The following STK32C variants were observed in gnomAD, a reference collection of about 807,000 sequenced individuals.
STK32C encodes the protein serine/threonine kinase 32C, also known as serine/threonine-protein kinase 32C.
Under a neutral mutation model 56.5 loss-of-function variants are expected in STK32C, and 31 were observed. The observed-to-expected ratio is 0.55, with a 90% confidence interval of 0.41 to 0.74. The LOEUF is 0.74. Ranked by LOEUF, STK32C falls within the 30% of genes least tolerant of loss-of-function variation. The pLI is 0.00. For synonymous variants in STK32C, 309 were observed against 289.4 expected, an observed-to-expected ratio of 1.07 and a Z score of -0.69; for missense variants, 544 against 676.9, an observed-to-expected ratio of 0.80 and a Z score of 2.18.
At chr10:132,237,086 A>G (rs574768758) in intron 2 of STK32C, among the ~76,000 whole-genome samples, 1 of 152,304 alleles carries the variant, frequency 6.6e-6, no homozygotes, top group Non-Finnish European at 1.5e-5. Context: ...GTCTCTGGCC[A>G]CAGCCTCCCG....
intron 1 of STK32C, among the ~76,000 whole-genome samples, chr10:132,279,658 A>G (rs79734316): frequency 6.7e-5 from 6 of 89,956 alleles, no homozygotes; most frequent in Non-Finnish European, 1.1e-4. Context: ...CCACTCCTCC[A>G]TGATCAAGCC....
intron 1 of STK32C, among the ~76,000 whole-genome samples, chr10:132,329,059 G>C (rs923483232): frequency 7.9e-5 from 12 of 152,236 alleles, no homozygotes; most frequent in Non-Finnish European, 4.4e-5. Flanking sequence ...CCATCAACTG[G>C]TAAATTCCGC....
Position 132,209,205 on chromosome 10 carries a change from G to A in STK32C, c.1252-104C>T, listed in dbSNP as rs955252750. On this transcript the variant is annotated intron_variant, in intron 10 of 11. Transcript: ENST00000298630. ...CATCCCCATCGGGCCTCCACCTGTG[G>A]CTTTGGATGACGGCCTCTGGGCTAT... The A allele has an allele frequency of 1.6e-5, 17 of 1,092,072 alleles. No homozygotes were observed. The East Asian group carries it at 3.1e-4, about 20-fold the overall frequency. The allele number at this position is 1,092,072 out of a possible 1,614,324, so 67.6% of individuals were successfully genotyped here.
At chr10:132,330,442 C>T in intron 1 of STK32C, 1 of 717,224 alleles carries the variant, frequency 1.4e-6, no homozygotes. Context: ...GGGTGGCTGG[C>T]CTCCCCACGC....
At chr10:132,226,593 C>G (rs1241746320) in intron 4 of STK32C, among the ~76,000 whole-genome samples, 2 of 152,216 alleles carry the variant, frequency 1.3e-5, no homozygotes, top group Non-Finnish European at 2.9e-5. Flanking sequence ...GAGGTCCCCC[C>G]AGATGGACAC....
chr10:132,243,860 A>C (rs1190191241), intron 2 of STK32C, among the ~76,000 whole-genome samples: 1 of 151,872 alleles, frequency 6.6e-6, no homozygotes, highest in East Asian at 1.9e-4. Flanking sequence ...AGGGGATCCC[A>C]CCCCTCAACC....
intron 2 of STK32C, among the ~76,000 whole-genome samples, chr10:132,232,374 TCCCTCGGGCCC>T (rs1387717465): frequency 2.6e-5 from 4 of 152,110 alleles, no homozygotes; most frequent in Admixed American, 1.3e-4. Flanking sequence ...TCCGGCAGGC[TCCCTCGGGCCC>T]CTGATGCAGG....
intron 8 of STK32C, among the ~76,000 whole-genome samples, chr10:132,223,848 G>A (rs1388559116): frequency 1.3e-5 from 2 of 152,222 alleles, no homozygotes; most frequent in African/African-American, 4.8e-5. Flanking sequence ...AGGGAGCTGT[G>A]CAGCCCAGTC....
At chr10:132,290,692 C>A (rs2065537439) in intron 1 of STK32C, among the ~76,000 whole-genome samples, 1 of 152,234 alleles carries the variant, frequency 6.6e-6, no homozygotes, top group Non-Finnish European at 1.5e-5. Context: ...TCCCCCTGAC[C>A]ACAGCCCTGG....
intron 1 of STK32C, among the ~76,000 whole-genome samples, chr10:132,265,357 C>A (rs1339749622): frequency 6.6e-6 from 1 of 152,224 alleles, no homozygotes; most frequent in Non-Finnish European, 1.5e-5. Flanking sequence ...CACACTCAGC[C>A]CAGGCCTGGC....
chr10:132,319,665 G>A (rs1431082049), downstream of STK32C, among the ~76,000 whole-genome samples: 6 of 152,332 alleles, frequency 3.9e-5, no homozygotes, highest in African/African-American at 1.2e-4. Context: ...GGGCTGGGGT[G>A]AGAGCGGAAT....
chr10:132,296,425 C>G (rs568664138), intron 1 of STK32C, among the ~76,000 whole-genome samples: 3 of 152,172 alleles, frequency 2.0e-5, no homozygotes, highest in Admixed American at 1.3e-4. Flanking sequence ...CGGTTAATGC[C>G]AGACGGTGAC....
chr10:132,260,210 G>A (rs904682274), intron 1 of STK32C, among the ~76,000 whole-genome samples: 1 of 152,152 alleles, frequency 6.6e-6, no homozygotes, highest in African/African-American at 2.4e-5. Flanking sequence ...ACGTTGTCAG[G>A]GACAGCAATG....
At chr10:132,210,183 C>T (rs567052413) in intron 10 of STK32C, among the ~76,000 whole-genome samples, 1 of 152,360 alleles carries the variant, frequency 6.6e-6, no homozygotes, top group East Asian at 1.9e-4. Flanking sequence ...CATGCTTTCA[C>T]GGCCCCAGCC....
chr10:132,236,281 C>T (rs35833923), intron 2 of STK32C, among the ~76,000 whole-genome samples: 2,817 of 152,334 alleles, frequency 0.018, 43 homozygotes, highest in Admixed American at 0.045. Context: ...TGGGCCCACG[C>T]GGAGGCCCGA....
chr10:132,274,376 A>C (rs1043873745), intron 1 of STK32C, among the ~76,000 whole-genome samples: 1 of 152,214 alleles, frequency 6.6e-6, no homozygotes, highest in African/African-American at 2.4e-5. Context: ...CGGCTGTTTT[A>C]AATCCTATCT....
intron 1 of STK32C, among the ~76,000 whole-genome samples, chr10:132,329,333 G>C (rs1487874410): frequency 6.6e-6 from 1 of 152,182 alleles, no homozygotes; most frequent in Non-Finnish European, 1.5e-5. Context: ...AGGATTGCTT[G>C]AATCTGGGAG....
At chr10:132,331,120 G>C (rs2066696462) in intron 1 of STK32C, among the ~76,000 whole-genome samples, 2 of 144,220 alleles carry the variant, frequency 1.4e-5, no homozygotes, top group East Asian at 2.1e-4. Flanking sequence ...AGAATTGCTT[G>C]AACCTGGGAG....
Position 132,261,486 on chromosome 10 carries a change from CGG to C in STK32C, c.263-15533_263-15532del, listed in dbSNP as rs531955225. Among the ~76,000 whole-genome samples, 746 of 152,244 alleles carry C rather than the reference CGG, an allele frequency of 4.9e-3. 10 individuals are homozygous for C. The highest frequency in any genetic ancestry group is 0.017 in the African/African-American group (705 of 41,528). ...AATACTGCGGATAGAAATCAGGGGC[CGG>C]GCACGGTGGCTCACACCTATAATCC... On this transcript the variant is annotated intron_variant, in intron 1 of 11. Coordinates refer to ENST00000298630, the MANE Select transcript of STK32C (RefSeq NM_173575.4).
Sources: gnomAD v4.1 joint callset for allele counts (sites outside exome capture counted in the v4.1 genomes callset) on GRCh38, gnomAD v4.1.1 for gene constraint, MANE v1.5 for transcripts, NCBI Gene and HGNC (gene_info 2026-07-23, HGNC 2026-07-21) for gene names.